Variants in NAV2 observed in about 807,000 individuals in gnomAD.
The protein encoded by NAV2 is helicase, APC down-regulated 1.
NAV2 carries 54 observed loss-of-function variants against 223.2 expected under a neutral mutation model. That is an observed-to-expected ratio of 0.24 (90% confidence interval 0.19 to 0.30). The LOEUF is 0.30. Ranked by LOEUF, NAV2 falls within the 10% of genes least tolerant of loss-of-function variation. The pLI, the probability that NAV2 is intolerant of heterozygous loss-of-function variation, is 1.00. For missense variants in NAV2, 2,806 were observed against 3,147.5 expected (o/e 0.89, Z 2.60); for synonymous variants, 1,279 against 1,239.3 (o/e 1.03, Z -0.67).
rs2061365305 is a variant in NAV2 at position 20,097,582 on chromosome 11, C to T, written c.6018C>T (p.Tyr2006=). Reference sequence around the variant, plus strand: ...TTATTTTTTATTTTTTCCAGGAATACATCATTCATGTCGACCCAGTGAGTC... The same window carrying T: ...TTATTTTTTATTTTTTCCAGGAATATATCATTCATGTCGACCCAGTGAGTC... ...DGVVRRLFKE[Y]IIHVDPVSQL... is the part of the protein sequence containing the mutation. Residue 2006 remains tyrosine (Y), a synonymous_variant, in exon 31 of 38, where the codon TAC becomes TAT. Transcript: ENST00000349880. 1 of 1,588,698 alleles carries T rather than the reference C, an allele frequency of 6.3e-7. No individual in the cohort carries two copies. Among genetic ancestry groups the T allele is most frequent in the East Asian group, 2.3e-5 (1 of 44,406 alleles).
At chr11:19,776,632 A>ATATGTGTGTGTG (rs766884791) in intron 1 of NAV2, among the ~76,000 whole-genome samples, 1 of 64,616 alleles carries the variant, frequency 1.5e-5, no homozygotes, top group Admixed American at 1.5e-4. Context: ...GGGTCAGAAA[A>ATATGTGTGTGTG]TGTGTGTGTG....
At chr11:19,382,720 C>A (rs559900263) in intron 1 of NAV2, among the ~76,000 whole-genome samples, 5 of 152,260 alleles carry the variant, frequency 3.3e-5, no homozygotes, top group African/African-American at 1.2e-4. Context: ...TAGGTAGAAC[C>A]CATTTCATCC....
intron 1 of NAV2, among the ~76,000 whole-genome samples, chr11:19,434,506 A>C (rs544358213): frequency 6.6e-6 from 1 of 152,312 alleles, no homozygotes; most frequent in East Asian, 1.9e-4. Flanking sequence ...GAGAAGAAGA[A>C]AGGAGCTGAG....
At chr11:19,797,124 G>A (rs963710115) in intron 1 of NAV2, among the ~76,000 whole-genome samples, 2 of 152,174 alleles carry the variant, frequency 1.3e-5, no homozygotes, top group African/African-American at 4.8e-5. Context: ...GTAGAGGATC[G>A]AGCAGGAGAA....
chr11:19,454,600 C>A (rs911924523), intron 1 of NAV2, among the ~76,000 whole-genome samples: 2 of 152,158 alleles, frequency 1.3e-5, no homozygotes, highest in Admixed American at 1.3e-4. Flanking sequence ...TGTTTGCCAG[C>A]ACTGTGCTGA....
rs764646592 is a variant in NAV2, at chr11:19,949,014, C to T, written c.2579C>T (p.Ala860Val). Residue 860 changes from alanine (A) to valine (V), a missense_variant, in exon 10 of 38, where the codon GCC becomes GTC. Around this residue, in one of 4 missense-constraint regions of NAV2, gnomAD observed 1,167 missense variants for 1,180.5 expected, o/e 0.99. Transcript: ENST00000349880. ...EMDLEGISMD[A>V]PGYMSDGDVL... ...GACCTGGAAGGCATCAGCATGGATG[C>T]CCCCGGCTACATGAGCGACGGGGAT... is the stretch of plus-strand genomic sequence containing the variant. 4 of 1,613,234 alleles carry T rather than the reference C, an allele frequency of 2.5e-6. No homozygotes were observed. Among genetic ancestry groups the T allele is most frequent in the East Asian group, 2.2e-5 (1 of 44,832 alleles).
At chr11:20,074,220 A>G (rs1412485856) in intron 22 of NAV2, among the ~76,000 whole-genome samples, 1 of 152,170 alleles carries the variant, frequency 6.6e-6, no homozygotes, top group Non-Finnish European at 1.5e-5. Context: ...CAGGTTGTTC[A>G]GTTTCCATGT....
chr11:19,686,559 G>A (rs1695892649), intron 1 of NAV2, among the ~76,000 whole-genome samples: 1 of 152,152 alleles, frequency 6.6e-6, no homozygotes, highest in Admixed American at 6.5e-5. Context: ...ATTCATCACA[G>A]TCTCCTCTCA....
chr11:19,533,190 G>A (rs1240332450), intron 1 of NAV2, among the ~76,000 whole-genome samples: 1 of 152,140 alleles, frequency 6.6e-6, no homozygotes, highest in Admixed American at 6.5e-5. Context: ...GGAATATAGT[G>A]TAGACCGGGG....
intron 1 of NAV2, among the ~76,000 whole-genome samples, chr11:19,477,940 G>A (rs1235072911): frequency 6.6e-6 from 1 of 152,174 alleles, no homozygotes; most frequent in African/African-American, 2.4e-5. Context: ...AAAATACAAT[G>A]CTTTGCCAAA....
upstream of NAV2, chr11:19,711,490 C>T (rs1421416149): frequency 2.6e-5 from 4 of 152,258 alleles, no homozygotes; most frequent in Non-Finnish European, 5.9e-5. Flanking sequence ...CATGAGGGCT[C>T]CACTGTCTTG....
At position 19,458,428 on chromosome 11, in the gene NAV2, A is replaced by T. The variant is rs960594941; in HGVS notation, c.75+107401A>T. 3.3e-5 allele frequency among the ~76,000 whole-genome samples: 5 copies of T among 152,244 alleles called. 1 individual carries two copies. The highest frequency in any genetic ancestry group is 1.5e-5 in the Non-Finnish European group (1 of 68,042). Reference sequence around the variant, plus strand: ...CCTAAGCCACACATTCATGTGAAATATGATAAAGTCTAGCCATGCATATGC... The same window carrying T: ...CCTAAGCCACACATTCATGTGAAATTTGATAAAGTCTAGCCATGCATATGC... On this transcript the variant is annotated intron_variant, in intron 1 of 37. Transcript: ENST00000360655.
At position 19,422,016 on chromosome 11, in the gene NAV2, T is replaced by C. The variant is rs931408279; in HGVS notation, c.75+70989T>C. On this transcript the variant is annotated intron_variant, in intron 1 of 37. Coordinates refer to the NAV2 transcript ENST00000360655. ...AACGAAAAGCTTTATACCTGCATCA[T>C]GGGGTTGTTATAAGGCTTAGAAGAG... Among the ~76,000 whole-genome samples the C allele has an allele frequency of 3.9e-4, 60 of 152,094 alleles. 1 individual carries two copies. The highest frequency in any genetic ancestry group is 1.4e-3 in the African/African-American group (57 of 41,412).
chr11:19,491,953 CAAAGAGAGAGAGAGAG>C (rs2042641300), intron 1 of NAV2, among the ~76,000 whole-genome samples: 1 of 120,648 alleles, frequency 8.3e-6, no homozygotes, highest in Non-Finnish European at 1.8e-5. Context: ...TAGGGAGACT[CAAAGAGAGAGAGAGAG>C]AGAGAGAGAG....
At chr11:19,931,418 G>A (rs1419592854) in intron 6 of NAV2, among the ~76,000 whole-genome samples, 2 of 152,136 alleles carry the variant, frequency 1.3e-5, no homozygotes, top group Admixed American at 1.3e-4. Context: ...TGGCTTCCCC[G>A]AGCAGCTGAG....
intron 1 of NAV2, among the ~76,000 whole-genome samples, chr11:19,688,578 C>A (rs1382917581): frequency 6.6e-6 from 1 of 152,148 alleles, no homozygotes; most frequent in Non-Finnish European, 1.5e-5. Flanking sequence ...TGATAATATT[C>A]ATATGCTCTT....
At position 19,784,807 on chromosome 11, in the gene NAV2, G is replaced by C. The variant is rs1007803451; in HGVS notation, c.268-47677G>C. On this transcript the variant is annotated intron_variant, in intron 1 of 37. Coordinates refer to ENST00000349880, the MANE Select transcript of NAV2 (RefSeq NM_145117.5). ...GTTATGCATACCTAATAGGGATTTT[G>C]TGAGAATTAAATGAGATAATGAACG... Among the ~76,000 whole-genome samples, 33 of 152,160 alleles carry C rather than the reference G, an allele frequency of 2.2e-4. 1 individual carries two copies. The highest frequency in any genetic ancestry group is 1.0e-4 in the Non-Finnish European group (7 of 68,030).
At chr11:19,471,358 C>A (rs995293449) in intron 1 of NAV2, among the ~76,000 whole-genome samples, 1 of 152,134 alleles carries the variant, frequency 6.6e-6, no homozygotes, top group African/African-American at 2.4e-5. Context: ...ATGCCCTTAG[C>A]CAGTGTCCAG....
chr11:19,611,513 TG>T (rs2046644520), intron 1 of NAV2, among the ~76,000 whole-genome samples: 1 of 152,050 alleles, frequency 6.6e-6, no homozygotes, highest in African/African-American at 2.4e-5. Context: ...CTAGATACAA[TG>T]GGGGTACAGG....
Sources: allele counts gnomAD v4.1 joint callset (sites outside exome capture counted in the v4.1 genomes callset), GRCh38; gene constraint gnomAD v4.1.1; regional missense constraint gnomAD v4.1.1; transcripts MANE v1.5; gene names NCBI Gene and HGNC (gene_info 2026-07-23, HGNC 2026-07-21).